Variants in IPO9 observed in about 807,000 individuals in gnomAD.
IPO9 encodes importin-9.
A neutral mutation model predicts 128.6 loss-of-function variants in IPO9; 28 were observed. The observed-to-expected ratio is 0.22, with a 90% confidence interval of 0.16 to 0.30. IPO9 has a LOEUF of 0.30. Among genes scored for constraint, IPO9 ranks in the 10% least tolerant of loss-of-function variants. IPO9 has a pLI of 1.00. For synonymous variants in IPO9, 455 were observed against 475.8 expected, an observed-to-expected ratio of 0.96 and a Z score of 0.57; for missense variants, 935 against 1,293.9, an observed-to-expected ratio of 0.72 and a Z score of 4.26.
Position 201,870,837 on chromosome 1 carries a change from A to G in IPO9, c.2388A>G (p.Ala796=). ...CCATCCTCAGTAAGATGCAGCAGGC[A>G]GAGACGCTCAGTGTCATGCAGGTAA... ...LRAILSKMQQ[A]ETLSVMQSLI... Residue 796 remains alanine, a synonymous_variant, in exon 18 of 24, where the codon GCA becomes GCG. Coordinates refer to ENST00000361565, the MANE Select transcript of IPO9 (RefSeq NM_018085.5). The surrounding 1 kb of genome is among the most constrained non-coding windows in gnomAD (Gnocchi z 4.9). 6.2e-7 allele frequency: 1 copy of G among 1,613,342 alleles called. No homozygotes were observed. Among genetic ancestry groups the G allele is most frequent in the Middle Eastern group, 1.7e-4 (1 of 6,060 alleles).
intron 1 of IPO9, among the ~76,000 whole-genome samples, chr1:201,846,275 T>C (rs1437693983): frequency 6.6e-6 from 1 of 152,260 alleles, no homozygotes; most frequent in Non-Finnish European, 1.5e-5. Flanking sequence ...CTTAATCAGC[T>C]CATAACTGGT....
At chr1:201,831,052 TGGA>T (rs1391313072) in intron 1 of IPO9, among the ~76,000 whole-genome samples, 1 of 152,128 alleles carries the variant, frequency 6.6e-6, no homozygotes, top group African/African-American at 2.4e-5. Flanking sequence ...GTGTAGACTT[TGGA>T]GCAGTGATGC....
chr1:201,853,238 T>G, intron 6 of IPO9, 141 bp downstream of exon 6: 1 of 702,212 alleles, frequency 1.4e-6, no homozygotes, highest in Middle Eastern at 3.9e-4. Flanking sequence ...ATTAAATTAT[T>G]GTTGTTATTT....
At position 201,872,793 on chromosome 1, in the gene IPO9, G is replaced by A. The variant is rs200486169; in HGVS notation, c.2577-35G>A. On this transcript the variant is annotated intron_variant, in intron 19 of 23. Transcript: ENST00000361565. ...TCCTTGGAGTGAACTCGAGATGGGC[G>A]GCTGATTGACCTTTTTTTGGATCTT... 3,003 of 1,589,066 alleles carry A rather than the reference G, an allele frequency of 1.9e-3. 3 individuals are homozygous for A. The highest frequency in any genetic ancestry group is 2.3e-3 in the Non-Finnish European group (2,667 of 1,166,448).
intron 1 of IPO9, 23 bp downstream of exon 1, chr1:201,829,395 G>A: frequency 2.6e-6 from 4 of 1,539,944 alleles, no homozygotes; most frequent in South Asian, 1.2e-5. Flanking sequence ...GGACCGTCAC[G>A]AGGATGGCTC....
At chr1:201,861,937 A>G (rs12071056) in intron 13 of IPO9, among the ~76,000 whole-genome samples, 2,014 of 152,058 alleles carry the variant, frequency 0.013, 42 homozygotes, top group African/African-American at 0.043. Flanking sequence ...GGCTTGCAAT[A>G]TGAACAAGGC....
In IPO9 at chr1:201,881,879, GAGATGTTGACA is replaced by G. The variant is rs1176747680; in HGVS notation, c.*5830_*5840del. The G allele has an allele frequency of 6.6e-6, 1 of 152,218 alleles. No homozygotes were observed. Among genetic ancestry groups the G allele is most frequent in the African/African-American group, 2.4e-5 (1 of 41,452 alleles). 9.4% of individuals were successfully genotyped at this position (152,218 alleles called of 1,614,324 possible). On this transcript the variant is annotated 3_prime_UTR_variant, in exon 24 of 24. Transcript: ENST00000361565. ...GGGATAGGGTGGAAGAGCTGGATTA[GAGATGTTGACA>G]AGATAAAGTCAGTAGGACTTAAAGA...
At chr1:201,871,645 G>C (rs992534295) in intron 19 of IPO9, among the ~76,000 whole-genome samples, 1 of 151,828 alleles carries the variant, frequency 6.6e-6, no homozygotes, top group Admixed American at 6.6e-5. Flanking sequence ...CACCCACTTC[G>C]GCCTCCCACA....
intron 13 of IPO9, among the ~76,000 whole-genome samples, chr1:201,862,382 C>T (rs988151288): frequency 6.7e-6 from 1 of 150,108 alleles, no homozygotes. Flanking sequence ...CGCTCGAACC[C>T]GGGAAGCAGC....
rs765881694 is a variant in IPO9 at position 201,855,855 on chromosome 1, A to T, written c.1043A>T (p.Lys348Ile). Residue 348 changes from lysine (K) to isoleucine (I), a missense_variant, in exon 10 of 24, where the codon AAA (lysine) becomes ATA (isoleucine). Physicochemically the swap from Lys to Ile is moderately radical, Grantham distance 102 (BLOSUM62 -3). Transcript: ENST00000361565. ...GTCCATGCTCTACTAGAAAATAGCA[A>T]ATTCAAAAGCACTGTTAAGAAAGCC... is the stretch of plus-strand genomic sequence containing the variant. The part of the protein sequence containing the change: ...EFVHALLENS[K>I]FKSTVKKALP... 1.6e-5 allele frequency: 25 copies of T among 1,612,398 alleles called. No homozygotes were observed. The highest frequency in any genetic ancestry group is 2.0e-5 in the Non-Finnish European group (24 of 1,179,620).
intron 20 of IPO9, among the ~76,000 whole-genome samples, chr1:201,873,343 G>A (rs1278731006): frequency 5.9e-5 from 9 of 151,448 alleles, no homozygotes; most frequent in Admixed American, 5.9e-4. Flanking sequence ...TACTTGGGAG[G>A]CTGAGGCAGG....
rs192637620 is a variant in IPO9 at position 201,839,493 on chromosome 1, G to A, written c.164-7786G>A. ...GGAGAATGGCGGGAACCTGGGAGGC[G>A]GAGCTTGCAGTGATCCGAGATCATG... On this transcript the variant is annotated intron_variant, in intron 1 of 23. Coordinates refer to ENST00000361565, the MANE Select transcript of IPO9 (RefSeq NM_018085.5). Among the ~76,000 whole-genome samples, 105 of 150,378 alleles carry A rather than the reference G, an allele frequency of 7.0e-4. 1 individual carries two copies. The highest frequency in any genetic ancestry group is 2.5e-3 in the African/African-American group (101 of 40,862).
intron 1 of IPO9, among the ~76,000 whole-genome samples, chr1:201,832,403 C>T (rs1288984270): frequency 1.3e-5 from 2 of 152,072 alleles, no homozygotes; most frequent in Admixed American, 6.5e-5. Context: ...GGATTACAGG[C>T]ATGCACCACC....
chr1:201,843,381 G>C (rs527851183), intron 1 of IPO9, among the ~76,000 whole-genome samples: 1 of 152,228 alleles, frequency 6.6e-6, no homozygotes, highest in African/African-American at 2.4e-5. Context: ...CATCAGGTAG[G>C]GGAATGGGGG....
intron 1 of IPO9, among the ~76,000 whole-genome samples, chr1:201,835,927 T>C (rs1457922668): frequency 3.9e-5 from 6 of 151,966 alleles, no homozygotes; most frequent in Admixed American, 3.3e-4. Context: ...CTGGCTAACA[T>C]GGTGAAACCC....
intron 23 of IPO9, 138 bp downstream of exon 23, chr1:201,875,366 G>T: frequency 1.3e-6 from 1 of 755,076 alleles, no homozygotes; most frequent in Non-Finnish European, 2.3e-6. Context: ...AAGGCGGGAG[G>T]ATTGCTTAAG....
chr1:201,839,831 A>T (rs867229786), intron 1 of IPO9, among the ~76,000 whole-genome samples: 10 of 152,122 alleles, frequency 6.6e-5, no homozygotes, highest in African/African-American at 2.4e-4. Context: ...AAATTTTTTT[A>T]CAATTTACAT....
intron 19 of IPO9, among the ~76,000 whole-genome samples, chr1:201,872,108 G>A (rs913920933): frequency 1.3e-5 from 2 of 152,136 alleles, no homozygotes; most frequent in African/African-American, 4.8e-5. Context: ...GGTTGTGGGT[G>A]CCTGTAATCC....
At chr1:201,875,076 G>T in intron 22 of IPO9, 76 bp from the exon 23 acceptor site, 2 of 1,422,690 alleles carry the variant, frequency 1.4e-6, no homozygotes, top group South Asian at 1.1e-5. Context: ...CCTCAGTCAT[G>T]TGGTAGTATA....
Sources: gnomAD v4.1 joint callset for allele counts (sites outside exome capture counted in the v4.1 genomes callset) on GRCh38, gnomAD v4.1.1 for gene constraint, Gnocchi (gnomAD v3.1) non-coding constraint, MANE v1.5 for transcripts, NCBI Gene and HGNC (gene_info 2026-07-23, HGNC 2026-07-21) for gene names.